The following ASTN2 variants were observed in gnomAD, a reference collection of about 807,000 sequenced individuals.
The protein encoded by ASTN2 is astrotactin-2.
In ASTN2, 54 loss-of-function variants were observed where a neutral mutation model predicts 139.8. That is an observed-to-expected ratio of 0.39 (90% CI 0.31 to 0.48). ASTN2 has a LOEUF of 0.48. Ranked by LOEUF, ASTN2 falls within the 20% of genes least tolerant of loss-of-function variation. The pLI is 0.95. For synonymous variants in ASTN2, 756 were observed against 719.5 expected (o/e 1.05, Z -0.81); for missense variants, 1,565 against 1,725.1 (o/e 0.91, Z 1.64).
At chr9:117,274,704 C>T (rs1259553452) in intron 2 of ASTN2, among the ~76,000 whole-genome samples, 1 of 152,206 alleles carries the variant, frequency 6.6e-6, no homozygotes, top group East Asian at 1.9e-4. Context: ...GTTATCTCAT[C>T]AAGGCCTCAC....
At chr9:117,225,518 G>C (rs1299746057) in intron 2 of ASTN2, among the ~76,000 whole-genome samples, 1 of 99,036 alleles carries the variant, frequency 1.0e-5, no homozygotes, top group Non-Finnish European at 2.1e-5. Context: ...TTCAAGACCA[G>C]CCTGGCCAAG....
At chr9:116,724,496 G>T (rs1828561811) in intron 16 of ASTN2, among the ~76,000 whole-genome samples, 1 of 152,206 alleles carries the variant, frequency 6.6e-6, no homozygotes, top group Non-Finnish European at 1.5e-5. Flanking sequence ...ATCCAGTTGG[G>T]AATGTGCAGC....
At chr9:116,653,000 C>T (rs1182366086) in intron 16 of ASTN2, among the ~76,000 whole-genome samples, 1 of 152,200 alleles carries the variant, frequency 6.6e-6, no homozygotes, top group Non-Finnish European at 1.5e-5. Flanking sequence ...TGCCCCAGCC[C>T]TTCTTTTCTG....
chr9:117,151,966 A>G (rs1830335351), intron 3 of ASTN2, among the ~76,000 whole-genome samples: 1 of 152,094 alleles, frequency 6.6e-6, no homozygotes, highest in East Asian at 1.9e-4. Flanking sequence ...GCGAGAGCAG[A>G]GTGTAGGGAT....
chr9:116,595,467 C>T (rs2131740669), intron 19 of ASTN2, among the ~76,000 whole-genome samples: 1 of 152,236 alleles, frequency 6.6e-6, no homozygotes, highest in East Asian at 1.9e-4. Flanking sequence ...GCTGGGACTA[C>T]AGGGGCGCAC....
chr9:116,923,356 G>C (rs1404318876), intron 10 of ASTN2, among the ~76,000 whole-genome samples: 1 of 152,144 alleles, frequency 6.6e-6, no homozygotes, highest in Non-Finnish European at 1.5e-5. Flanking sequence ...GGTTGATCAT[G>C]GTACCAGATG....
chr9:116,854,155 G>C lies in ASTN2; in HGVS notation c.2040+9428C>G, dbSNP rs375509251. Reference sequence around the variant, plus strand: ...CAGTTTTCCCATCTGTAAGAAAAGGGATAATAATGAGATCCACCTCAGAAG... The same window carrying C: ...CAGTTTTCCCATCTGTAAGAAAAGGCATAATAATGAGATCCACCTCAGAAG... On this transcript the variant is annotated intron_variant, in intron 11 of 22. Coordinates refer to ENST00000313400, the MANE Select transcript of ASTN2 (RefSeq NM_001365068.1). Among the ~76,000 whole-genome samples the C allele has an allele frequency of 5.3e-5, 8 of 152,238 alleles. No individual in the cohort carries two copies. The East Asian group carries it at 1.4e-3, about 26-fold the overall frequency.
chr9:116,830,791 C>CAAAA (rs35912144), intron 11 of ASTN2, among the ~76,000 whole-genome samples: 19 of 97,062 alleles, frequency 2.0e-4, no homozygotes, highest in African/African-American at 6.5e-4. Context: ...GACCCTATGT[C>CAAAA]AAAAAAAAAA....
intron 13 of ASTN2, among the ~76,000 whole-genome samples, chr9:116,784,179 G>A (rs1251971797): frequency 2.0e-5 from 3 of 152,092 alleles, no homozygotes; most frequent in East Asian, 1.9e-4. Context: ...ACTTAGCTCC[G>A]AAGTCTGTAT....
At chr9:117,326,000 G>T (rs538584016) in intron 1 of ASTN2, among the ~76,000 whole-genome samples, 1 of 152,056 alleles carries the variant, frequency 6.6e-6, no homozygotes, top group African/African-American at 2.4e-5. Context: ...GGAGGGGTGG[G>T]GCATTCTCAT....
intron 1 of ASTN2, among the ~76,000 whole-genome samples, chr9:117,394,718 C>G (rs1038876547): frequency 6.6e-6 from 1 of 152,138 alleles, no homozygotes; most frequent in Non-Finnish European, 1.5e-5. Flanking sequence ...AGCTTATTTT[C>G]CGGACAGTAA....
At chr9:116,611,765 C>T (rs187827474) in intron 19 of ASTN2, 1 of 152,128 alleles carries the variant, frequency 6.6e-6, no homozygotes, top group African/African-American at 2.4e-5. Context: ...AGTTAAAAAC[C>T]TTCTTGCAAG....
chr9:116,692,715 T>G (rs1206254317), intron 16 of ASTN2, among the ~76,000 whole-genome samples: 4 of 152,140 alleles, frequency 2.6e-5, no homozygotes, highest in African/African-American at 9.7e-5. Flanking sequence ...TGATTTGTGG[T>G]CTTAATTTCC....
chr9:117,357,341 G>A (rs930476725), intron 1 of ASTN2, among the ~76,000 whole-genome samples: 2 of 151,954 alleles, frequency 1.3e-5, no homozygotes, highest in East Asian at 1.9e-4. Flanking sequence ...CAAAGGTAAA[G>A]GTGCCTAGGC....
chr9:116,737,239 G>A (rs1166083740), intron 13 of ASTN2, among the ~76,000 whole-genome samples: 1 of 152,212 alleles, frequency 6.6e-6, no homozygotes, highest in East Asian at 1.9e-4. Context: ...GCCAGCAGAG[G>A]GCGCCCGGGG....
chr9:116,618,037 G>A (rs1215518453), intron 19 of ASTN2, among the ~76,000 whole-genome samples: 3 of 152,166 alleles, frequency 2.0e-5, no homozygotes, highest in Non-Finnish European at 4.4e-5. Flanking sequence ...GGCCTTCCCA[G>A]ATACAGAAAG....
At chr9:117,272,367 G>A (rs1564118971) in intron 2 of ASTN2, among the ~76,000 whole-genome samples, 1 of 152,172 alleles carries the variant, frequency 6.6e-6, no homozygotes, top group African/African-American at 2.4e-5. Flanking sequence ...TTTCCTCCTG[G>A]GCCTCTGGGC....
intron 19 of ASTN2, among the ~76,000 whole-genome samples, chr9:116,614,661 G>T (rs1489964246): frequency 6.6e-6 from 1 of 152,150 alleles, no homozygotes; most frequent in African/African-American, 2.4e-5. Flanking sequence ...GGGAAAACTG[G>T]CTAGCCATAT....
chr9:117,194,267 G>A (rs1164735387), intron 3 of ASTN2, among the ~76,000 whole-genome samples: 2 of 152,096 alleles, frequency 1.3e-5, no homozygotes, highest in Non-Finnish European at 2.9e-5. Context: ...CAGATCTCTG[G>A]GAAAGAAATG....
Sources: gnomAD v4.1 joint callset for allele counts (sites outside exome capture counted in the v4.1 genomes callset) on GRCh38, gnomAD v4.1.1 for gene constraint, MANE v1.5 for transcripts, NCBI Gene and HGNC (gene_info 2026-07-23, HGNC 2026-07-21) for gene names.